The following MED13L variants were observed in gnomAD, a reference collection of about 807,000 sequenced individuals.
MED13L encodes mediator complex subunit 13L, also known as mediator of RNA polymerase II transcription subunit 13-like.
A neutral mutation model predicts 220.9 loss-of-function variants in MED13L; 7 were observed. The observed-to-expected ratio is 0.03, with a 90% CI of 0.02 to 0.06. MED13L has a LOEUF of 0.06. Ranked by LOEUF, MED13L falls within the 10% of genes least tolerant of loss-of-function variation. The probability of loss-of-function intolerance (pLI) is 1.00; values close to 1 mark genes in which losing one functional copy is unlikely to be tolerated. For missense variants in MED13L, 1,965 were observed against 2,760.5 expected, an observed-to-expected ratio of 0.71 and a Z score of 6.46; for synonymous variants, 1,011 against 1,015.2, an observed-to-expected ratio of 1.00 and a Z score of 0.08.
intron 2 of MED13L, among the ~76,000 whole-genome samples, chr12:116,155,833 T>C (rs954906124): frequency 6.6e-5 from 10 of 152,220 alleles, no homozygotes; most frequent in African/African-American, 2.4e-4. Flanking sequence ...ATATATTGAT[T>C]CTAGGTCCCA....
intron 3 of MED13L, among the ~76,000 whole-genome samples, chr12:116,098,985 T>C (rs1226238885): frequency 6.6e-6 from 1 of 152,174 alleles, no homozygotes; most frequent in African/African-American, 2.4e-5. Context: ...AATACCAAGT[T>C]TCTGCAATAA....
At chr12:115,988,902 C>T (rs979741639) in intron 17 of MED13L, among the ~76,000 whole-genome samples, 3 of 152,202 alleles carry the variant, frequency 2.0e-5, no homozygotes, top group African/African-American at 4.8e-5. Context: ...GGAAAGGCTG[C>T]ATTTTCTTCA....
chr12:116,015,237 C>G lies in MED13L; in HGVS notation c.1047G>C (p.Leu349=), dbSNP rs756492368. 2 of 1,613,910 alleles carry G rather than the reference C, an allele frequency of 1.2e-6. No individual in the cohort carries two copies. The highest frequency in any genetic ancestry group is 3.3e-5 in the Admixed American group (2 of 60,002). The change falls in exon 8 of 31, where the codon CTG becomes CTC. Residue 349 remains leucine (L), a synonymous_variant. Coordinates refer to ENST00000281928, the MANE Select transcript of MED13L (RefSeq NM_015335.5). ...TTATCATCCCTCCATCTTGGGAAAC[C>G]AGGTGACTGGCAGCACTCTGCATAC... ...SGGMQSAASH[L]VSQDGGMITM...
chr12:116,099,799 G>T (rs1471954672), intron 3 of MED13L, among the ~76,000 whole-genome samples: 1 of 152,202 alleles, frequency 6.6e-6, no homozygotes, highest in Non-Finnish European at 1.5e-5. Flanking sequence ...AAAGGCTGAT[G>T]AAAACTCTGA....
chr12:116,222,278 C>T (rs1868515765), intron 2 of MED13L, among the ~76,000 whole-genome samples: 1 of 152,164 alleles, frequency 6.6e-6, no homozygotes, highest in South Asian at 2.1e-4. Flanking sequence ...ATTTAAATGT[C>T]TTGCCTGCAA....
chr12:116,009,697 T>G (rs1879276228), intron 9 of MED13L, among the ~76,000 whole-genome samples: 1 of 152,168 alleles, frequency 6.6e-6, no homozygotes, highest in African/African-American at 2.4e-5. Flanking sequence ...CCACTATATC[T>G]AGGCAAGAAG....
chr12:116,269,698 T>A (rs989395137), intron 1 of MED13L, among the ~76,000 whole-genome samples: 3 of 151,998 alleles, frequency 2.0e-5, no homozygotes, highest in Non-Finnish European at 4.4e-5. Flanking sequence ...AAAACAGTAA[T>A]GGAGTTTTAC....
At chr12:116,038,945 C>T (rs1456395851) in intron 4 of MED13L, among the ~76,000 whole-genome samples, 2 of 151,604 alleles carry the variant, frequency 1.3e-5, no homozygotes, top group East Asian at 3.9e-4. Flanking sequence ...TGAAAGCTAC[C>T]TTAAATACTT....
At position 116,019,982 on chromosome 12, in the gene MED13L, G is replaced by T. The variant is rs776407123; in HGVS notation, c.626-10C>A. Reference sequence around the variant, plus strand: ...TAAGGACTTACCAGTACTATGGAGGGGAGGAGAAATACATGCTAAACATTA... The same window carrying T: ...TAAGGACTTACCAGTACTATGGAGGTGAGGAGAAATACATGCTAAACATTA... On this transcript the variant is annotated splice_polypyrimidine_tract_variant and intron_variant, in intron 5 of 30. Transcript: ENST00000281928. 2.8e-5 allele frequency: 45 copies of T among 1,609,234 alleles called. No individual in the cohort carries two copies. The highest frequency in any genetic ancestry group is 2.2e-4 in the Admixed American group (13 of 59,906).
At chr12:116,097,424 G>T (rs1430241202) in intron 3 of MED13L, among the ~76,000 whole-genome samples, 1 of 152,158 alleles carries the variant, frequency 6.6e-6, no homozygotes, top group Non-Finnish European at 1.5e-5. Flanking sequence ...GGGATTATAG[G>T]TGTGAGCCAT....
chr12:116,273,477 T>C (rs1164482155), intron 1 of MED13L, among the ~76,000 whole-genome samples: 1 of 151,964 alleles, frequency 6.6e-6, no homozygotes, highest in Admixed American at 6.6e-5. Context: ...GTCCACCCTA[T>C]TTTGTTCTAG....
chr12:116,144,346 G>A (rs1877313608), intron 2 of MED13L, among the ~76,000 whole-genome samples: 1 of 152,014 alleles, frequency 6.6e-6, no homozygotes, highest in African/African-American at 2.4e-5. Flanking sequence ...TGTCCCAAAG[G>A]GCCCAGCTCC....
intron 12 of MED13L, 128 bp downstream of exon 12, chr12:116,006,178 A>G: frequency 8.1e-7 from 1 of 1,231,744 alleles, no homozygotes; most frequent in Non-Finnish European, 1.2e-6. Flanking sequence ...AAAACAAACT[A>G]TGAAAAATAT....
chr12:116,054,904 C>T (rs1868820879), intron 4 of MED13L, among the ~76,000 whole-genome samples: 1 of 152,130 alleles, frequency 6.6e-6, no homozygotes, highest in East Asian at 1.9e-4. Context: ...CAGGATTATT[C>T]ATAATAGCCC....
At position 115,982,504 on chromosome 12, in the gene MED13L, G is replaced by T; in HGVS notation, c.5055C>A (p.Phe1685Leu). ...TGGAGTCCTCCTCTGCAGCATACGTGAACGGGTCCACCATGTAAATGACAA... is the reference window on the plus strand; with the variant it reads ...TGGAGTCCTCCTCTGCAGCATACGTTAACGGGTCCACCATGTAAATGACAA... ...PAVVIYMVDP[F>L]TYAAEEDSTS... The change falls in exon 22 of 31, where the codon TTC becomes TTA. Residue 1685 changes from phenylalanine to leucine, a missense_variant. Transcript: ENST00000281928. 6.2e-7 allele frequency: 1 copy of T among 1,614,166 alleles called. No homozygotes were observed. Among genetic ancestry groups the T allele is most frequent in the Non-Finnish European group, 8.5e-7 (1 of 1,180,004 alleles).
Position 116,228,250 on chromosome 12 carries a change from TGCA to T in MED13L, c.310+9215_310+9217del, listed in dbSNP as rs1334726032. 2.0e-5 allele frequency among the ~76,000 whole-genome samples: 3 copies of T among 152,230 alleles called. No homozygotes were observed. The East Asian group carries it at 5.8e-4, about 29-fold the overall frequency. ...AAGCAGCAAGTGCTGATGAAGAAGC[TGCA>T]GCTTCTCTATTCAGAAGATCTTGCT... On this transcript the variant is annotated intron_variant, in intron 2 of 30. Transcript: ENST00000281928.
intron 3 of MED13L, among the ~76,000 whole-genome samples, chr12:116,108,405 GT>G (rs1873788147): frequency 1.6e-5 from 2 of 121,236 alleles, no homozygotes; most frequent in East Asian, 2.4e-4. Flanking sequence ...GGGGGGGCGC[GT>G]GGGGGGTGGG....
At chr12:116,227,170 C>G (rs949568808) in intron 2 of MED13L, among the ~76,000 whole-genome samples, 1 of 152,112 alleles carries the variant, frequency 6.6e-6, no homozygotes, top group Non-Finnish European at 1.5e-5. Flanking sequence ...TAAAACAACT[C>G]AAAGGTAGCC....
At chr12:116,124,122 A>AGAGAGAGAGAG (rs1565888715) in intron 2 of MED13L, among the ~76,000 whole-genome samples, 18 of 91,300 alleles carry the variant, frequency 2.0e-4, no homozygotes, top group Non-Finnish European at 3.2e-4. Flanking sequence ...AGAGAGAAAG[A>AGAGAGAGAGAG]CGAGAGAGAG....
Sources: gnomAD v4.1 joint callset for allele counts (sites outside exome capture counted in the v4.1 genomes callset) on GRCh38, gnomAD v4.1.1 for gene constraint, MANE v1.5 for transcripts, NCBI Gene and HGNC (gene_info 2026-07-23, HGNC 2026-07-21) for gene names.